The following COMMD1 variants were observed in gnomAD, a reference collection of about 807,000 sequenced individuals.
The protein encoded by COMMD1 is copper metabolism domain containing 1.
Under a neutral mutation model 17.2 loss-of-function variants are expected in COMMD1, and 10 were observed. That is an observed-to-expected ratio of 0.58 (90% CI 0.36 to 0.99). The LOEUF is 0.99. Among genes scored for constraint, COMMD1 ranks in the 50% least tolerant of loss-of-function variants. The pLI, the probability that COMMD1 is intolerant of heterozygous loss-of-function variation, is 0.01. For missense variants in COMMD1, 270 were observed against 231.8 expected (o/e 1.17, Z -1.07); for synonymous variants, 97 against 91.6 (o/e 1.06, Z -0.34).
In COMMD1 at chr2:62,068,687, C is replaced by T. The variant is rs554994021; in HGVS notation, c.463-67144C>T. Among the ~76,000 whole-genome samples, 4 of 145,990 alleles carry T rather than the reference C, an allele frequency of 2.7e-5. No individual in the cohort carries two copies. The Middle Eastern group carries it at 0.011, about 397-fold the overall frequency. ...TCTCCCAAGCTGGAGTGCAGTGGCGCGATCTCGGCTCACTGTAACCTCCGT... is the reference window on the plus strand; with the variant it reads ...TCTCCCAAGCTGGAGTGCAGTGGCGTGATCTCGGCTCACTGTAACCTCCGT... On this transcript the variant is annotated intron_variant, in intron 2 of 2. Transcript: ENST00000311832.
At chr2:62,054,303 A>G (rs1670626646) in intron 2 of COMMD1, among the ~76,000 whole-genome samples, 1 of 152,196 alleles carries the variant, frequency 6.6e-6, no homozygotes, top group South Asian at 2.1e-4. Context: ...TCAAAGAACT[A>G]AAAATGGAAC....
At chr2:61,973,493 G>A (rs1045553071) in intron 1 of COMMD1, among the ~76,000 whole-genome samples, 8 of 152,134 alleles carry the variant, frequency 5.3e-5, no homozygotes, top group Non-Finnish European at 7.4e-5. Context: ...TGATTATTAG[G>A]TTGAACTAAT....
intron 1 of COMMD1, among the ~76,000 whole-genome samples, chr2:61,910,213 T>TATATATATATATATATATATATA (rs1473553137): frequency 2.0e-5 from 3 of 152,064 alleles, no homozygotes; most frequent in East Asian, 3.9e-4. Flanking sequence ...ACTCTTGTAT[T>TATATATATATATATATATATATA]TATATATAAA....
intron 2 of COMMD1, chr2:62,084,675 T>A (rs1366691043): frequency 6.6e-6 from 1 of 152,240 alleles, no homozygotes; most frequent in Non-Finnish European, 1.5e-5. Flanking sequence ...ATCAGTTGCT[T>A]TCTGAATGGT....
At chr2:61,900,918 G>A (rs552861108), upstream of COMMD1, among the ~76,000 whole-genome samples, 1 of 152,022 alleles carries the variant, frequency 6.6e-6, no homozygotes, top group Non-Finnish European at 1.5e-5. Flanking sequence ...AGTGGACATG[G>A]AAAATAAAAA....
At chr2:62,064,452 G>A (rs1670969458) in intron 2 of COMMD1, among the ~76,000 whole-genome samples, 1 of 152,170 alleles carries the variant, frequency 6.6e-6, no homozygotes, top group South Asian at 2.1e-4. Context: ...GGGATTATAG[G>A]CATGTGCCAC....
At chr2:62,063,558 T>C (rs1670935394) in intron 2 of COMMD1, among the ~76,000 whole-genome samples, 1 of 152,132 alleles carries the variant, frequency 6.6e-6, no homozygotes, top group Non-Finnish European at 1.5e-5. Context: ...AAATACAAAT[T>C]CCAGAGCATG....
At position 61,968,113 on chromosome 2, in the gene COMMD1, A is replaced by T. The variant is rs973832648; in HGVS notation, c.181-32588A>T. 2.0e-5 allele frequency among the ~76,000 whole-genome samples: 3 copies of T among 151,866 alleles called. No individual in the cohort carries two copies. In the East Asian group the frequency reaches 5.9e-4, roughly 30 times the overall value. ...GAGGCAGAGGTTGCAGTGAGCCAAG[A>T]TTGTGCCACTGCACTCCTGCCTGGG... On this transcript the variant is annotated intron_variant, in intron 1 of 2. Coordinates refer to ENST00000311832, the MANE Select transcript of COMMD1 (RefSeq NM_152516.4).
intron 2 of COMMD1, among the ~76,000 whole-genome samples, chr2:62,112,882 G>C (rs1672492635): frequency 6.6e-6 from 1 of 152,094 alleles, no homozygotes; most frequent in East Asian, 1.9e-4. Context: ...TTTAAGTAAA[G>C]AGAAAGGGAA....
intron 1 of COMMD1, among the ~76,000 whole-genome samples, chr2:61,996,099 G>A (rs1668747813): frequency 6.6e-6 from 1 of 152,148 alleles, no homozygotes; most frequent in African/African-American, 2.4e-5. Flanking sequence ...TCAAGAGGCT[G>A]AAGTCAGAGG....
intron 1 of COMMD1, among the ~76,000 whole-genome samples, chr2:61,940,870 A>G (rs897226025): frequency 2.0e-5 from 3 of 151,118 alleles, no homozygotes; most frequent in Non-Finnish European, 4.4e-5. Context: ...TTTATATATT[A>G]GTAGAGATGG....
At chr2:61,949,335 A>G (rs1670992514) in intron 1 of COMMD1, among the ~76,000 whole-genome samples, 1 of 152,204 alleles carries the variant, frequency 6.6e-6, no homozygotes, top group South Asian at 2.1e-4. Context: ...GAGAACTTCT[A>G]GCCTAAGAGG....
At chr2:61,999,335 CA>C (rs1240706139) in intron 1 of COMMD1, among the ~76,000 whole-genome samples, 1 of 152,060 alleles carries the variant, frequency 6.6e-6, no homozygotes, top group Non-Finnish European at 1.5e-5. Flanking sequence ...GATTCAATGG[CA>C]ATTAACTTTT....
At chr2:62,031,644 G>A (rs1669910174) in intron 2 of COMMD1, among the ~76,000 whole-genome samples, 2 of 152,244 alleles carry the variant, frequency 1.3e-5, no homozygotes, top group South Asian at 4.2e-4. Flanking sequence ...GGGGCCTGTT[G>A]TTTATGTTAA....
Position 62,059,333 on chromosome 2 carries a change from ATT to A in COMMD1, c.462+58357_462+58358del, listed in dbSNP as rs1274637874. 6.6e-5 allele frequency among the ~76,000 whole-genome samples: 10 copies of A among 151,372 alleles called. No homozygotes were observed. In the East Asian group the frequency reaches 1.6e-3, roughly 24 times the overall value. On this transcript the variant is annotated intron_variant, in intron 2 of 2. Coordinates refer to ENST00000311832, the MANE Select transcript of COMMD1 (RefSeq NM_152516.4). ...TGGCACCTGGCTAATTTAAAAAAAAATTTTTTTGTTTTTTGTCTCACTATGTT... is the reference window on the plus strand; with the variant it reads ...TGGCACCTGGCTAATTTAAAAAAAAATTTTTGTTTTTTGTCTCACTATGTT...
At chr2:61,926,306 G>A (rs12470740) in intron 1 of COMMD1, among the ~76,000 whole-genome samples, 16,852 of 152,088 alleles carry the variant, frequency 0.11, 2,155 homozygotes, top group African/African-American at 0.31. Context: ...ATTAATTTGC[G>A]TAAATAGTGT....
At chr2:62,073,213 A>G (rs1038762589) in intron 2 of COMMD1, among the ~76,000 whole-genome samples, 4 of 152,202 alleles carry the variant, frequency 2.6e-5, no homozygotes, top group Non-Finnish European at 5.9e-5. Flanking sequence ...TGTGGGGGAA[A>G]TTTGCATTTG....
intron 1 of COMMD1, among the ~76,000 whole-genome samples, chr2:61,993,509 A>T (rs1349766339): frequency 6.6e-6 from 1 of 152,224 alleles, no homozygotes; most frequent in Non-Finnish European, 1.5e-5. Context: ...CTGATATTTT[A>T]AAATTGTACT....
chr2:62,029,857 C>G (rs1669866175), intron 2 of COMMD1, among the ~76,000 whole-genome samples: 3 of 152,176 alleles, frequency 2.0e-5, no homozygotes, highest in African/African-American at 4.8e-5. Context: ...CCTTCGGCCC[C>G]AGTGGTTTGC....
Sources: gnomAD v4.1 joint callset for allele counts (sites outside exome capture counted in the v4.1 genomes callset) on GRCh38, gnomAD v4.1.1 for gene constraint, MANE v1.5 for transcripts, NCBI Gene and HGNC (gene_info 2026-07-23, HGNC 2026-07-21) for gene names.